The following NCAM1 variants were observed in gnomAD, a reference collection of about 807,000 sequenced individuals.
NCAM1 encodes antigen recognized by monoclonal antibody 5.1H11.
Under a neutral mutation model 109.8 loss-of-function variants are expected in NCAM1, and 14 were observed. The ratio of observed to expected loss-of-function variants is 0.13; its 90% CI spans 0.08 to 0.20. The LOEUF is 0.20. Ranked by LOEUF, NCAM1 falls within the 10% of genes least tolerant of loss-of-function variation. NCAM1 has a pLI of 1.00. For synonymous variants in NCAM1, 418 were observed against 442.9 expected (o/e 0.94, Z 0.70); for missense variants, 774 against 1,109.9 (o/e 0.70, Z 4.30).
intron 1 of NCAM1, among the ~76,000 whole-genome samples, chr11:112,973,130 T>C (rs1483190315): frequency 6.6e-6 from 1 of 152,168 alleles, no homozygotes; most frequent in Non-Finnish European, 1.5e-5. Flanking sequence ...TTCTAGACCT[T>C]TAAAAAATGT....
At chr11:113,221,445 C>A (rs184062726) in intron 9 of NCAM1, 120 bp downstream of exon 9, 13 of 1,061,660 alleles carry the variant, frequency 1.2e-5, no homozygotes, top group Non-Finnish European at 1.7e-5. Context: ...AAGAATAGGT[C>A]GATAGTGGTA....
chr11:112,988,618 C>T (rs1951373545), intron 1 of NCAM1, among the ~76,000 whole-genome samples: 1 of 152,078 alleles, frequency 6.6e-6, no homozygotes, highest in Non-Finnish European at 1.5e-5. Context: ...AATATATTAA[C>T]CCATTCCCTT....
intron 1 of NCAM1, among the ~76,000 whole-genome samples, chr11:113,101,791 T>C (rs552362048): frequency 6.6e-6 from 1 of 152,224 alleles, no homozygotes; most frequent in Non-Finnish European, 1.5e-5. Context: ...ATCTTCTCCA[T>C]TGGGAAACTG....
chr11:113,247,550 C>G (rs1555120533), intron 15 of NCAM1, among the ~76,000 whole-genome samples: 1 of 152,186 alleles, frequency 6.6e-6, no homozygotes, highest in Non-Finnish European at 1.5e-5. Context: ...TCCACATTTC[C>G]CATCTCTGAG....
At chr11:113,171,631 C>CTAAATAAA (rs1414195735) in intron 1 of NCAM1, among the ~76,000 whole-genome samples, 1 of 110,636 alleles carries the variant, frequency 9.0e-6, no homozygotes, top group Non-Finnish European at 1.9e-5. Flanking sequence ...GAGACTTTGT[C>CTAAATAAA]TCAATAAATA....
chr11:113,216,011 A>G (rs2137035417), intron 8 of NCAM1, among the ~76,000 whole-genome samples: 1 of 152,334 alleles, frequency 6.6e-6, no homozygotes, highest in Middle Eastern at 3.4e-3. Context: ...TCTATCTCAG[A>G]TGAATGATGC....
intron 1 of NCAM1, among the ~76,000 whole-genome samples, chr11:112,982,040 G>C (rs782476649): frequency 6.6e-6 from 1 of 151,778 alleles, no homozygotes; most frequent in Non-Finnish European, 1.5e-5. Context: ...CTTTTCCTCC[G>C]CAAGAAGTTT....
chr11:113,181,623 T>C (rs558468386), intron 1 of NCAM1, among the ~76,000 whole-genome samples: 2 of 152,260 alleles, frequency 1.3e-5, no homozygotes, highest in Non-Finnish European at 2.9e-5. Flanking sequence ...CCATGGCGCA[T>C]GTTTACCTAT....
At chr11:113,107,972 T>G (rs1347520645) in intron 1 of NCAM1, among the ~76,000 whole-genome samples, 1 of 152,158 alleles carries the variant, frequency 6.6e-6, no homozygotes, top group Non-Finnish European at 1.5e-5. Context: ...AGTTAGAATT[T>G]CCTGGAAATT....
chr11:113,269,775 TGAG>T lies in NCAM1; in HGVS notation c.2132-409_2132-407del, dbSNP rs140724202. 1,676 of 237,594 alleles carry T rather than the reference TGAG, an allele frequency of 7.1e-3. 59 individuals are homozygous for T. The highest frequency in any genetic ancestry group is 0.031 in the East Asian group (286 of 9,234). 14.7% of individuals were successfully genotyped at this position (237,594 alleles called of 1,614,324 possible). A position where few individuals can be genotyped will look rare whatever the true frequency, so the allele number is the denominator to read the frequency against. On this transcript the variant is annotated intron_variant, in intron 17 of 19. Transcript: ENST00000316851. Reference sequence around the variant, plus strand: ...TTTTGGGCCCCTATCCCTGAGCACTTGAGGAGCCACAGCCCCGCCTGAAATCAG... The same window carrying T: ...TTTTGGGCCCCTATCCCTGAGCACTTGAGCCACAGCCCCGCCTGAAATCAG...
At chr11:113,084,693 G>A (rs1938998398) in intron 1 of NCAM1, among the ~76,000 whole-genome samples, 1 of 152,186 alleles carries the variant, frequency 6.6e-6, no homozygotes, top group African/African-American at 2.4e-5. Flanking sequence ...CCTGATGTCT[G>A]CATGGTTACT....
chr11:113,000,370 T>C (rs1194815394), intron 1 of NCAM1, among the ~76,000 whole-genome samples: 1 of 152,092 alleles, frequency 6.6e-6, no homozygotes, highest in East Asian at 1.9e-4. Context: ...TACAGAGCTA[T>C]CTAGTAAAAT....
At chr11:113,072,039 GGAGGCT>G (rs1312951265) in intron 1 of NCAM1, among the ~76,000 whole-genome samples, 2 of 152,156 alleles carry the variant, frequency 1.3e-5, no homozygotes, top group Non-Finnish European at 2.9e-5. Context: ...CAGCTACTCA[GGAGGCT>G]GAGGCAAGAA....
intron 1 of NCAM1, among the ~76,000 whole-genome samples, chr11:113,090,138 T>C (rs552875378): frequency 6.6e-6 from 1 of 152,318 alleles, no homozygotes; most frequent in Admixed American, 6.5e-5. Flanking sequence ...TATGAGAAAA[T>C]AATTTTTAAC....
intron 1 of NCAM1, among the ~76,000 whole-genome samples, chr11:112,978,392 AT>A (rs1338694262): frequency 4.0e-5 from 6 of 151,814 alleles, no homozygotes; most frequent in African/African-American, 1.4e-4. Context: ...TTTAAATGAT[AT>A]TTTTGACATT....
At chr11:113,158,406 T>G (rs1448710448) in intron 1 of NCAM1, among the ~76,000 whole-genome samples, 7 of 152,222 alleles carry the variant, frequency 4.6e-5, no homozygotes, top group African/African-American at 1.4e-4. Context: ...AGCTCACTAC[T>G]CAGTTGCATG....
chr11:113,148,015 A>G (rs1942079345), intron 1 of NCAM1, among the ~76,000 whole-genome samples: 1 of 152,232 alleles, frequency 6.6e-6, no homozygotes, highest in Non-Finnish European at 1.5e-5. Flanking sequence ...ATGCTCTACA[A>G]ATATCATGTC....
chr11:113,023,132 A>G (rs782225967), intron 1 of NCAM1, among the ~76,000 whole-genome samples: 3 of 152,342 alleles, frequency 2.0e-5, no homozygotes, highest in South Asian at 2.1e-4. Flanking sequence ...GCTAGATACT[A>G]TACTGTTTAT....
At chr11:112,969,675 G>A (rs1208090767) in intron 1 of NCAM1, among the ~76,000 whole-genome samples, 1 of 152,140 alleles carries the variant, frequency 6.6e-6, no homozygotes, top group African/African-American at 2.4e-5. Context: ...TACTCATTAT[G>A]TGCTTTAAAA....
Sources: gnomAD v4.1 joint callset for allele counts (sites outside exome capture counted in the v4.1 genomes callset) on GRCh38, gnomAD v4.1.1 for gene constraint, MANE v1.5 for transcripts, NCBI Gene and HGNC (gene_info 2026-07-23, HGNC 2026-07-21) for gene names.